LRIF1: variants seen among roughly 807,000 people sequenced by gnomAD.
LRIF1 encodes ligand-dependent nuclear receptor-interacting factor 1.
Under a neutral mutation model 52.7 loss-of-function variants are expected in LRIF1, and 32 were observed. The observed-to-expected ratio is 0.61, with a 90% CI of 0.46 to 0.82. The LOEUF (loss-of-function observed/expected upper bound fraction) is 0.82, where lower values mean the gene tolerates loss of function less well. Among genes scored for constraint, LRIF1 ranks in the 40% least tolerant of loss-of-function variants. LRIF1 has a pLI of 0.00. For synonymous variants in LRIF1, 323 were observed against 317.4 expected, an observed-to-expected ratio of 1.02 and a Z score of -0.19; for missense variants, 887 against 892.0, an observed-to-expected ratio of 0.99 and a Z score of 0.07.
the LRIF1 span, chr1:110,892,790 T>C: frequency 2.4e-6 from 1 of 409,882 alleles, no homozygotes. Flanking sequence ...GTCATTATTG[T>C]AATTCCCCTT....
chr1:110,952,600 A>G lies in LRIF1; in HGVS notation c.284T>C (p.Leu95Ser). The G allele has an allele frequency of 2.5e-6, 4 of 1,614,070 alleles. No homozygotes were observed. The highest frequency in any genetic ancestry group is 3.4e-6 in the Non-Finnish European group (4 of 1,179,904). The change falls in exon 2 of 4, where the codon TTG (leucine) becomes TCG (serine). Residue 95 changes from leucine (L) to serine (S), a missense_variant. Leu to Ser is a moderately radical substitution (Grantham distance 145, BLOSUM62 -2). Transcript: ENST00000369763. ...AGAACTGGCTGGCTGAAAAATGGGC[A>G]ATTGAACTGATGCACTTGTGGAAGA... ...SSSSTSASVQ[L>S]PIFQPASSSN...
chr1:110,890,626 C>T, the LRIF1 span, among the ~76,000 whole-genome samples: 1 of 152,046 alleles, frequency 6.6e-6, no homozygotes, highest in African/African-American at 2.4e-5. Flanking sequence ...AAGGAAAAGT[C>T]AAAATTCTGT....
Position 110,947,856 on chromosome 1 carries a change from C to G in LRIF1, c.*103G>C. On this transcript the variant is annotated 3_prime_UTR_variant, in exon 4 of 4. Transcript: ENST00000369763. ...TACAATCGACTGATGAAAAAACAAG[C>G]TTCATATTCAAAGACACTTTCAGAA... 1.4e-6 allele frequency: 2 copies of G among 1,439,804 alleles called. No homozygotes were observed. The highest frequency in any genetic ancestry group is 9.2e-7 in the Non-Finnish European group (1 of 1,087,340). 89.2% of individuals were successfully genotyped at this position (1,439,804 alleles called of 1,614,324 possible). A position where few individuals can be genotyped will look rare whatever the true frequency, so the allele number is the denominator to read the frequency against.
chr1:110,892,682 C>A, the LRIF1 span: 8 of 683,670 alleles, frequency 1.2e-5, no homozygotes, highest in Non-Finnish European at 2.0e-5. Flanking sequence ...CTGCCCAGAC[C>A]AATAGTATAT....
intron 1 of LRIF1, among the ~76,000 whole-genome samples, chr1:110,953,636 T>A (rs1048309624): frequency 2.0e-4 from 31 of 152,198 alleles, no homozygotes; most frequent in African/African-American, 7.0e-4. Context: ...AAAATCAATA[T>A]ATACTAATCT....
chr1:110,892,796 C>T, the LRIF1 span: 2 of 378,792 alleles, frequency 5.3e-6, no homozygotes, highest in African/African-American at 4.2e-5. Flanking sequence ...ATTGTAATTC[C>T]CCTTTATAGC....
the LRIF1 span, among the ~76,000 whole-genome samples, chr1:110,893,182 G>C: frequency 1.8e-4 from 27 of 152,354 alleles, no homozygotes; most frequent in East Asian, 1.2e-3. Flanking sequence ...AGTGTTCCCA[G>C]AACAGAGCTT....
chr1:110,951,976 G>A lies in LRIF1; in HGVS notation c.908C>T (p.Ser303Phe). The A allele has an allele frequency of 6.2e-7, 1 of 1,614,166 alleles. No individual in the cohort carries two copies. Among genetic ancestry groups the A allele is most frequent in the Non-Finnish European group, 8.5e-7 (1 of 1,180,012 alleles). ...ATTTGAAGACTTAACAGGAACAAGA[G>A]ATGGCGTAAAAGGCTGTAGATTATC... is the stretch of plus-strand genomic sequence containing the variant. ...FQDNLQPFTPSLVPVKSSNNV... is the reference protein window; with the variant it reads ...FQDNLQPFTPFLVPVKSSNNV... The change falls in exon 2 of 4, where the codon TCT (serine) becomes TTT (phenylalanine). Residue 303 changes from serine (S) to phenylalanine (F), a missense_variant. Physicochemically the swap from Ser to Phe is radical, Grantham distance 155 (BLOSUM62 -2). Coordinates refer to ENST00000369763, the MANE Select transcript of LRIF1 (RefSeq NM_018372.4).
the LRIF1 span, among the ~76,000 whole-genome samples, chr1:110,932,678 C>G: frequency 6.6e-6 from 1 of 152,122 alleles, no homozygotes; most frequent in South Asian, 2.1e-4. Context: ...CTAGGTTTCT[C>G]TGCTACAAAG....
At chr1:110,880,660 C>T in the LRIF1 span, among the ~76,000 whole-genome samples, 16 of 152,172 alleles carry the variant, frequency 1.1e-4, no homozygotes, top group African/African-American at 3.1e-4. Flanking sequence ...AAGCCCAAGG[C>T]TCCTGACTCT....
chr1:110,916,436 C>A, the LRIF1 span, among the ~76,000 whole-genome samples: 1 of 151,888 alleles, frequency 6.6e-6, no homozygotes, highest in Non-Finnish European at 1.5e-5. Context: ...TCAGTAAATG[C>A]AGAGAAACAA....
chr1:110,930,930 G>A, the LRIF1 span, among the ~76,000 whole-genome samples: 1 of 152,110 alleles, frequency 6.6e-6, no homozygotes. Context: ...ATGGACTTAG[G>A]GGGCTGGCAT....
At chr1:110,943,268 T>C (rs999615690), downstream of LRIF1, among the ~76,000 whole-genome samples, 3 of 152,190 alleles carry the variant, frequency 2.0e-5, no homozygotes, top group Non-Finnish European at 4.4e-5. Context: ...CTAATTTGAC[T>C]GAATTTCAGA....
At chr1:110,907,915 A>C in the LRIF1 span, among the ~76,000 whole-genome samples, 14 of 152,200 alleles carry the variant, frequency 9.2e-5, no homozygotes, top group African/African-American at 3.1e-4. Context: ...AACTAAGATG[A>C]CATGTGGTTC....
downstream of LRIF1, among the ~76,000 whole-genome samples, chr1:110,945,983 T>C (rs564637090): frequency 6.6e-6 from 1 of 152,246 alleles, no homozygotes; most frequent in Admixed American, 6.5e-5. Flanking sequence ...GACCCAGCAA[T>C]TACAGTCCTA....
At chr1:110,946,600 T>C (rs1007114400), downstream of LRIF1, among the ~76,000 whole-genome samples, 46 of 141,494 alleles carry the variant, frequency 3.3e-4, no homozygotes, top group African/African-American at 1.1e-3. Flanking sequence ...TTTGTTGCCA[T>C]TGCACAGATT....
chr1:110,920,457 A>G, the LRIF1 span, among the ~76,000 whole-genome samples: 3 of 152,224 alleles, frequency 2.0e-5, no homozygotes, highest in Non-Finnish European at 4.4e-5. Context: ...GTATGATTCC[A>G]GCTATGAGAC....
the LRIF1 span, among the ~76,000 whole-genome samples, chr1:110,921,274 A>C: frequency 6.7e-6 from 1 of 149,836 alleles, no homozygotes; most frequent in Non-Finnish European, 1.5e-5. Context: ...TGAAGTGCAG[A>C]AATAGTATGA....
the LRIF1 span, among the ~76,000 whole-genome samples, chr1:110,894,127 C>T: frequency 3.3e-5 from 5 of 152,194 alleles, no homozygotes; most frequent in South Asian, 2.1e-4. Context: ...GCAAAGAAGA[C>T]AGTTGATCTG....
Sources: allele counts gnomAD v4.1 joint callset (sites outside exome capture counted in the v4.1 genomes callset), GRCh38; gene constraint gnomAD v4.1.1; transcripts MANE v1.5; gene names NCBI Gene and HGNC (gene_info 2026-07-23, HGNC 2026-07-21).